HABP4: variants seen among roughly 807,000 people sequenced by gnomAD.
HABP4 encodes hyaluronan binding protein 4.
A neutral mutation model predicts 44.1 loss-of-function variants in HABP4; 32 were observed. The observed-to-expected ratio is 0.73, with a 90% CI of 0.55 to 0.97. The LOEUF is 0.97. HABP4 is among the 50% of genes least tolerant of loss of function. The pLI, the probability that HABP4 is intolerant of heterozygous loss-of-function variation, is 0.00. For synonymous variants in HABP4, 216 were observed against 218.0 expected (o/e 0.99, Z 0.08); for missense variants, 503 against 561.9 (o/e 0.90, Z 1.06).
At chr9:96,456,771 AAAAAAAAAAATATATAT>A (rs1251432996) in intron 1 of HABP4, among the ~76,000 whole-genome samples, 5 of 70,742 alleles carry the variant, frequency 7.1e-5, no homozygotes, top group Middle Eastern at 7.0e-3. Context: ...AAAAAAAAAA[AAAAAAAAAAATATATAT>A]ATATATATAT....
Position 96,458,630 on chromosome 9 carries a change from T to G in HABP4, c.512+89T>G, listed in dbSNP as rs1474592537. The G allele has an allele frequency of 4.7e-6, 4 of 849,156 alleles. No homozygotes were observed. In the Admixed American group the frequency reaches 8.6e-5, roughly 18 times the overall value. The allele number at this position is 849,156 out of a possible 1,614,324, so 52.6% of individuals were successfully genotyped here. On this transcript the variant is annotated intron_variant, in intron 2 of 7. Coordinates refer to ENST00000375249, the MANE Select transcript of HABP4 (RefSeq NM_014282.4). ...TTCTTTTTCTTTTCTTTCTTTCTTT[T>G]TTTTTTTTTTTTGAGACAGTTTCGC...
intron 5 of HABP4, among the ~76,000 whole-genome samples, chr9:96,476,956 G>C (rs1355785188): frequency 6.6e-6 from 1 of 152,190 alleles, no homozygotes; most frequent in Non-Finnish European, 1.5e-5. Context: ...GCTGAAGGAG[G>C]CTGTAACTTG....
At chr9:96,469,657 G>A (rs1832660846) in intron 4 of HABP4, among the ~76,000 whole-genome samples, 2 of 152,132 alleles carry the variant, frequency 1.3e-5, no homozygotes, top group African/African-American at 4.8e-5. Flanking sequence ...CAAGTAGCTG[G>A]GACTACAGGC....
At position 96,488,284 on chromosome 9, in the gene HABP4, T is replaced by C; in HGVS notation, c.1185+10T>C. ...CAGAGCAGAAGTGGTGGTAGGTGTC[T>C]GTATTGACGGTTTGGCGAAAGAAGT... On this transcript the variant is annotated intron_variant, in intron 7 of 7. Transcript: ENST00000375249. This position sits in a 1 kb window ranked among gnomAD's most constrained non-coding sequence, Gnocchi z 4.6. 6.3e-7 allele frequency: 1 copy of C among 1,594,198 alleles called. No individual in the cohort carries two copies. Among genetic ancestry groups the C allele is most frequent in the Admixed American group, 1.7e-5 (1 of 59,176 alleles).
chr9:96,452,730 A>G (rs923857439), intron 1 of HABP4, among the ~76,000 whole-genome samples: 11 of 152,262 alleles, frequency 7.2e-5, no homozygotes, highest in African/African-American at 2.4e-4. Context: ...CTATTCTCTC[A>G]AGGTTTTGTA....
upstream of HABP4, chr9:96,450,168 T>C: frequency 9.2e-7 from 1 of 1,081,124 alleles, no homozygotes; most frequent in Non-Finnish European, 1.2e-6. This position sits in a 1 kb window ranked among gnomAD's most constrained non-coding sequence, Gnocchi z 4.8. Flanking sequence ...CCGGACAGGG[T>C]AGGGCCCGGA....
chr9:96,488,404 G>T lies in HABP4; in HGVS notation c.1185+130G>T. 1 of 629,766 alleles carries T rather than the reference G, an allele frequency of 1.6e-6. No individual in the cohort carries two copies. 39.0% of individuals were successfully genotyped at this position (629,766 alleles called of 1,614,324 possible). A position where few individuals can be genotyped will look rare whatever the true frequency, so the allele number is the denominator to read the frequency against. On this transcript the variant is annotated intron_variant, in intron 7 of 7. Transcript: ENST00000375249. The surrounding 1 kb of genome is among the most constrained non-coding windows in gnomAD (Gnocchi z 4.6). ...TTTCTGTAGCTAGTGTGGGACTGAT[G>T]TTGGGGCATTTGGACGGTGTTGTAG...
rs1441586452 is a variant in HABP4, at chr9:96,484,463, G to A, written c.829G>A (p.Val277Ile). 1 of 1,411,030 alleles carries A rather than the reference G, an allele frequency of 7.1e-7. No homozygotes were observed. 87.4% of individuals were successfully genotyped at this position (1,411,030 alleles called of 1,614,324 possible). A position where few individuals can be genotyped will look rare whatever the true frequency, so the allele number is the denominator to read the frequency against. The change falls in exon 6 of 8, where the codon GTT becomes ATT. Residue 277 changes from valine to isoleucine, a missense_variant and splice_region_variant. Physicochemically the swap from Val to Ile is conservative, Grantham distance 29 (BLOSUM62 3). Around this residue, in one of 3 missense-constraint regions of HABP4, gnomAD observed 131 missense variants for 189.8 expected, o/e 0.69. Coordinates refer to ENST00000375249, the MANE Select transcript of HABP4 (RefSeq NM_014282.4). ...TTATGATTATATATCTCTTTATAGA[G>A]TTCCTGAGTTGGAGGTAGAAGAAGA... ...GTPEEESPAKVPELEVEEETQ... is the reference protein window; with the variant it reads ...GTPEEESPAKIPELEVEEETQ...
Position 96,450,722 on chromosome 9 carries a change from A to T in HABP4, c.349+94A>T. The T allele has an allele frequency of 9.6e-7, 1 of 1,039,744 alleles. No individual in the cohort carries two copies. Among genetic ancestry groups the T allele is most frequent in the Non-Finnish European group, 1.2e-6 (1 of 821,986 alleles). The allele number at this position is 1,039,744 out of a possible 1,614,324, so 64.4% of individuals were successfully genotyped here. ...GTTTCAGGAGGAGGGGCCCGGGAAC[A>T]GTAGGGAGAGTTGAGGGTCCTGGTG... On this transcript the variant is annotated intron_variant, in intron 1 of 7. Transcript: ENST00000375249. The surrounding 1 kb of genome is among the most constrained non-coding windows in gnomAD (Gnocchi z 4.8).
intron 2 of HABP4, among the ~76,000 whole-genome samples, chr9:96,462,762 A>T (rs1332986478): frequency 3.3e-5 from 5 of 152,008 alleles, no homozygotes; most frequent in Admixed American, 3.3e-4. Flanking sequence ...CCGCATCTCT[A>T]CAAAGGGTAG....
intron 1 of HABP4, among the ~76,000 whole-genome samples, chr9:96,455,432 T>G (rs1832356987): frequency 7.3e-6 from 1 of 137,650 alleles, no homozygotes; most frequent in Admixed American, 7.6e-5. Context: ...AGCCTGGCAG[T>G]CTGGGTGACG....
intron 1 of HABP4, among the ~76,000 whole-genome samples, chr9:96,454,564 C>T (rs1433654308): frequency 6.6e-6 from 1 of 152,040 alleles, no homozygotes; most frequent in African/African-American, 2.4e-5. Context: ...ATTCTCCTGC[C>T]TCAGCCTCCC....
intron 5 of HABP4, among the ~76,000 whole-genome samples, chr9:96,479,601 C>A (rs898419901): frequency 6.6e-6 from 1 of 151,968 alleles, no homozygotes; most frequent in African/African-American, 2.4e-5. Flanking sequence ...CCTCCGCCTC[C>A]CGGGTTCAAA....
At position 96,453,039 on chromosome 9, in the gene HABP4, G is replaced by A. The variant is rs545118265; in HGVS notation, c.349+2411G>A. ...GGGTTCAAGCGATTCTCCTGCCTCAGCCTCCTTAGTAGCTGGCATTACAGG... is the reference window on the plus strand; with the variant it reads ...GGGTTCAAGCGATTCTCCTGCCTCAACCTCCTTAGTAGCTGGCATTACAGG... On this transcript the variant is annotated intron_variant, in intron 1 of 7. Coordinates refer to ENST00000375249, the MANE Select transcript of HABP4 (RefSeq NM_014282.4). 2.8e-5 allele frequency among the ~76,000 whole-genome samples: 4 copies of A among 140,812 alleles called. No homozygotes were observed. In the East Asian group the frequency reaches 6.5e-4, roughly 23 times the overall value. 92.4% of individuals were successfully genotyped at this position (140,812 alleles called of 152,430 possible).
chr9:96,465,714 GT>G lies in HABP4; in HGVS notation c.680del (p.Val227AlafsTer56). 1 of 1,593,768 alleles carries G rather than the reference GT, an allele frequency of 6.3e-7. No homozygotes were observed. Among genetic ancestry groups the G allele is most frequent in the Middle Eastern group, 1.7e-4 (1 of 6,010 alleles). On this transcript the variant is annotated frameshift_variant, in exon 4 of 8. Transcript: ENST00000375249. LOFTEE classifies it high-confidence loss of function. ...GACTATTCTTTCTTTCCGTAGAGCA[GT>G]CAGAACTGAAGACAACATGGGTGGA... ...ERYGGNDKIA[V>X]RTEDNMGGCG...
At chr9:96,460,822 G>T (rs1284727920) in intron 2 of HABP4, among the ~76,000 whole-genome samples, 1 of 152,108 alleles carries the variant, frequency 6.6e-6, no homozygotes, top group Non-Finnish European at 1.5e-5. Context: ...ATATGTAGGG[G>T]ATTTTCACTT....
intron 5 of HABP4, 131 bp downstream of exon 5, chr9:96,471,225 C>T (rs767360564): frequency 1.1e-4 from 67 of 620,700 alleles, no homozygotes; most frequent in Non-Finnish European, 1.8e-4. Context: ...TCACTGCAAC[C>T]TCCACTTCCT....
chr9:96,474,481 G>A (rs1832747740), intron 5 of HABP4, among the ~76,000 whole-genome samples: 1 of 152,158 alleles, frequency 6.6e-6, no homozygotes, highest in African/African-American at 2.4e-5. Flanking sequence ...CACTGTGAAA[G>A]AAAATAAAGC....
chr9:96,471,542 T>G lies in HABP4; in HGVS notation c.827+448T>G, dbSNP rs566136193. 3.3e-5 allele frequency among the ~76,000 whole-genome samples: 5 copies of G among 152,320 alleles called. 1 individual carries two copies. The East Asian group carries it at 9.6e-4, about 29-fold the overall frequency. On this transcript the variant is annotated intron_variant, in intron 5 of 7. Coordinates refer to ENST00000375249, the MANE Select transcript of HABP4 (RefSeq NM_014282.4). ...ATGTATGAATGACTGGTGATCAAAC[T>G]AATTAATAATTAGTTCAGACAACCT...
Sources: allele counts gnomAD v4.1 joint callset (sites outside exome capture counted in the v4.1 genomes callset), GRCh38; gene constraint gnomAD v4.1.1; regional missense constraint gnomAD v4.1.1; non-coding constraint Gnocchi (gnomAD v3.1); transcripts MANE v1.5; gene names NCBI Gene and HGNC (gene_info 2026-07-23, HGNC 2026-07-21).